The following CMKLR1 variants were observed in gnomAD, a reference collection of about 807,000 sequenced individuals.
CMKLR1 encodes chemerin chemokine-like receptor 1.
A neutral mutation model predicts 8.2 loss-of-function variants in CMKLR1; 6 were observed. That is an observed-to-expected ratio of 0.73 (90% CI 0.40 to 1.44). The LOEUF is 1.44. Among genes scored for constraint, CMKLR1 ranks in the 40% most tolerant of loss-of-function variants. The pLI is 0.02. For synonymous variants in CMKLR1, 178 were observed against 181.2 expected (o/e 0.98, Z 0.14); for missense variants, 429 against 478.0 (o/e 0.90, Z 0.96).
intron 2 of CMKLR1, among the ~76,000 whole-genome samples, chr12:108,309,368 T>A (rs1347822006): frequency 6.6e-6 from 1 of 152,022 alleles, no homozygotes; most frequent in Non-Finnish European, 1.5e-5. Context: ...GAGACCTGAA[T>A]ACACAGAGAG....
intron 2 of CMKLR1, among the ~76,000 whole-genome samples, chr12:108,321,482 G>T (rs900013626): frequency 6.6e-6 from 1 of 152,060 alleles, no homozygotes; most frequent in Non-Finnish European, 1.5e-5. Flanking sequence ...AATATTGCAT[G>T]ATGAGCAAAA....
chr12:108,329,413 C>A (rs193212366), intron 2 of CMKLR1, among the ~76,000 whole-genome samples: 97 of 152,332 alleles, frequency 6.4e-4, no homozygotes, highest in Non-Finnish European at 1.2e-3. Context: ...CAACTGAAGG[C>A]CAATTCACCC....
At chr12:108,338,930 G>T (rs534547090) in intron 1 of CMKLR1, 97 bp downstream of exon 1, 8 of 152,292 alleles carry the variant, frequency 5.3e-5, no homozygotes, top group African/African-American at 1.9e-4. Context: ...TAACAAATAT[G>T]AAATTATAAA....
At position 108,292,628 on chromosome 12, in the gene CMKLR1, CACATGGCTG is replaced by C; in HGVS notation, c.326_334del (p.Thr109_Cys112delinsSer). 1.2e-6 allele frequency: 2 copies of C among 1,614,166 alleles called. No homozygotes were observed. The highest frequency in any genetic ancestry group is 1.7e-6 in the Non-Finnish European group (2 of 1,180,026). On this transcript the variant is annotated inframe_deletion, in exon 4 of 4. Coordinates refer to ENST00000550402, the MANE Select transcript of CMKLR1 (RefSeq NM_001142343.2). ...GATGAGAAGGAAGTTGCTGATCTTG[CACATGGCTG>C]TCCCGAAAACCCAGTGGTAGTCCAT... is the stretch of plus-strand genomic sequence containing the variant.
intron 2 of CMKLR1, 110 bp from the exon 3 acceptor site, chr12:108,293,774 A>T (rs1338032255): frequency 1.5e-5 from 10 of 652,776 alleles, no homozygotes; most frequent in Non-Finnish European, 5.3e-6. Context: ...TTCCCATTTT[A>T]CAGAGAAGGA....
intron 2 of CMKLR1, among the ~76,000 whole-genome samples, chr12:108,296,498 G>A (rs1257667216): frequency 6.6e-6 from 1 of 152,170 alleles, no homozygotes; most frequent in Non-Finnish European, 1.5e-5. Flanking sequence ...CTGGCCACTT[G>A]TCTCTCCAGC....
chr12:108,328,046 A>C (rs903275383), intron 2 of CMKLR1, among the ~76,000 whole-genome samples: 3 of 152,168 alleles, frequency 2.0e-5, no homozygotes, highest in Non-Finnish European at 4.4e-5. Context: ...CCCTCCCCAG[A>C]GTCGTGTTTA....
chr12:108,333,224 C>A lies in CMKLR1; in HGVS notation c.-286-3017G>T, dbSNP rs1484129597. 1.5e-5 allele frequency among the ~76,000 whole-genome samples: 2 copies of A among 132,518 alleles called. 1 individual carries two copies. Among genetic ancestry groups the A allele is most frequent in the Non-Finnish European group, 3.5e-5 (2 of 57,206 alleles). 86.9% of individuals were successfully genotyped at this position (132,518 alleles called of 152,430 possible). ...GAACCCAGGGCTGGAATCTGAGGAC[C>A]CATGTCCTATACCCCAAGAAAGCAG... On this transcript the variant is annotated intron_variant, in intron 1 of 3. Transcript: ENST00000550402.
At chr12:108,295,399 C>T (rs1320197987) in intron 2 of CMKLR1, among the ~76,000 whole-genome samples, 1 of 152,262 alleles carries the variant, frequency 6.6e-6, no homozygotes, top group Non-Finnish European at 1.5e-5. Flanking sequence ...CATCACCAAC[C>T]TTCCTTTTGG....
At chr12:108,335,502 A>G (rs1892200407) in intron 1 of CMKLR1, among the ~76,000 whole-genome samples, 1 of 152,234 alleles carries the variant, frequency 6.6e-6, no homozygotes, top group South Asian at 2.1e-4. Flanking sequence ...GCCTTATAAT[A>G]AAGCTCTGCT....
intron 2 of CMKLR1, among the ~76,000 whole-genome samples, chr12:108,326,905 T>C (rs1319571190): frequency 2.6e-5 from 4 of 152,218 alleles, no homozygotes; most frequent in African/African-American, 9.6e-5. Flanking sequence ...CACTGCTATG[T>C]GCTTTTTCAT....
chr12:108,298,635 GAC>G (rs1274197339), intron 2 of CMKLR1, among the ~76,000 whole-genome samples: 1 of 152,128 alleles, frequency 6.6e-6, no homozygotes, highest in African/African-American at 2.4e-5. Context: ...TGAGGTCTGG[GAC>G]ACACACACGG....
intron 2 of CMKLR1, among the ~76,000 whole-genome samples, chr12:108,298,625 T>G (rs1421655124): frequency 6.6e-6 from 1 of 152,212 alleles, no homozygotes; most frequent in African/African-American, 2.4e-5. Flanking sequence ...ACAATCTAGC[T>G]GAGGTCTGGG....
rs1262101956 is a variant in CMKLR1 at position 108,292,792 on chromosome 12, G to T, written c.171C>A (p.Gly57=). The T allele has an allele frequency of 1.1e-5, 17 of 1,614,108 alleles. No homozygotes were observed. Among genetic ancestry groups the T allele is most frequent in the Admixed American group, 3.3e-5 (2 of 60,016 alleles). The change falls in exon 4 of 4, where the codon GGC becomes GGA. Residue 57 remains glycine (G), a synonymous_variant. Transcript: ENST00000550402. ...YSIVCFLGIL[G]NGLVIIIATF... The stretch of plus-strand genomic sequence containing the variant: ...TGGCAATGATGATCACCAGACCATT[G>T]CCCAGAATCCCGAGGAAGCAGACGA...
intron 2 of CMKLR1, among the ~76,000 whole-genome samples, chr12:108,322,693 G>A (rs1891890402): frequency 6.6e-6 from 1 of 152,058 alleles, no homozygotes; most frequent in South Asian, 2.1e-4. Context: ...CTCTCCTCAT[G>A]TGATGCTGGC....
intron 1 of CMKLR1, among the ~76,000 whole-genome samples, chr12:108,331,201 C>T (rs752722437): frequency 6.6e-6 from 1 of 152,326 alleles, no homozygotes. Context: ...ACACTTAACT[C>T]TTACTATCTC....
intron 2 of CMKLR1, among the ~76,000 whole-genome samples, chr12:108,313,418 C>G (rs1399817): frequency 0.75 from 114,416 of 152,138 alleles, 43,863 homozygotes; most frequent in East Asian, 0.97. Flanking sequence ...GTGCAGCTGA[C>G]AGCTTAAGCC....
chr12:108,320,358 A>T (rs933347634), intron 2 of CMKLR1, among the ~76,000 whole-genome samples: 2 of 152,158 alleles, frequency 1.3e-5, no homozygotes, highest in Non-Finnish European at 2.9e-5. Flanking sequence ...TCCCTCCCCA[A>T]GCCCTGGGAG....
At chr12:108,310,029 A>G (rs1285044973) in intron 2 of CMKLR1, among the ~76,000 whole-genome samples, 3 of 152,150 alleles carry the variant, frequency 2.0e-5, no homozygotes, top group Non-Finnish European at 4.4e-5. Context: ...GGCTGGGGAA[A>G]TCAGGGGATG....
Sources: allele counts gnomAD v4.1 joint callset (sites outside exome capture counted in the v4.1 genomes callset), GRCh38; gene constraint gnomAD v4.1.1; transcripts MANE v1.5; gene names NCBI Gene and HGNC (gene_info 2026-07-23, HGNC 2026-07-21).